The following ERICH6 variants were observed in gnomAD, a reference collection of about 807,000 sequenced individuals.
The protein encoded by ERICH6 is glutamate-rich protein 6.
ERICH6 carries 71 observed loss-of-function variants against 71.0 expected under a neutral mutation model. That is an observed-to-expected ratio of 1.00 (90% confidence interval 0.83 to 1.22). The LOEUF is 1.22. Among genes scored for constraint, ERICH6 ranks in the 50% most tolerant of loss-of-function variants. The pLI is 0.00. For synonymous variants in ERICH6, 262 were observed against 278.4 expected (o/e 0.94, Z 0.59); for missense variants, 808 against 797.2 (o/e 1.01, Z -0.16).
intron 7 of ERICH6, among the ~76,000 whole-genome samples, chr3:150,681,783 T>C (rs2108060107): frequency 6.6e-6 from 1 of 151,156 alleles, no homozygotes; most frequent in African/African-American, 2.4e-5. Flanking sequence ...TGATTTGCGT[T>C]TCCCTGACAG....
At chr3:150,667,077 T>G in intron 12 of ERICH6, 62 bp from the exon 13 acceptor site, 3 of 1,469,718 alleles carry the variant, frequency 2.0e-6, no homozygotes, top group Non-Finnish European at 1.9e-6. Flanking sequence ...ACTGGAATTA[T>G]CCCTGTCACT....
At chr3:150,671,433 T>C (rs1431012347) in intron 11 of ERICH6, among the ~76,000 whole-genome samples, 1 of 152,194 alleles carries the variant, frequency 6.6e-6, no homozygotes, top group East Asian at 1.9e-4. Flanking sequence ...AGGCAGAAAG[T>C]CCAAGTGATC....
chr3:150,687,352 T>G (rs1259403706), intron 3 of ERICH6, among the ~76,000 whole-genome samples: 2 of 152,200 alleles, frequency 1.3e-5, no homozygotes, highest in South Asian at 4.1e-4. Context: ...CCCACTAACA[T>G]TTTCAGACTG....
intron 13 of ERICH6, among the ~76,000 whole-genome samples, chr3:150,665,992 C>T (rs899341727): frequency 1.3e-5 from 2 of 152,032 alleles, no homozygotes; most frequent in African/African-American, 4.8e-5. Flanking sequence ...CAAGTACCAC[C>T]CTTAGTACTT....
chr3:150,685,592 A>G (rs924604692), intron 6 of ERICH6, 150 bp downstream of exon 6: 5 of 680,310 alleles, frequency 7.3e-6, no homozygotes, highest in Non-Finnish European at 1.2e-5. Flanking sequence ...CAACTAACAC[A>G]GACACTCTAA....
intron 2 of ERICH6, among the ~76,000 whole-genome samples, chr3:150,699,605 G>A (rs1402665650): frequency 6.6e-6 from 1 of 151,498 alleles, no homozygotes; most frequent in Non-Finnish European, 1.5e-5. Flanking sequence ...AAAATCAATA[G>A]CATTGAAGAG....
chr3:150,661,380 A>G (rs1468803941), intron 13 of ERICH6, among the ~76,000 whole-genome samples: 1 of 152,134 alleles, frequency 6.6e-6, no homozygotes, highest in African/African-American at 2.4e-5. Context: ...CTAGCCTTCT[A>G]CCCCTTAGCA....
At chr3:150,687,403 G>A (rs1400102672) in intron 3 of ERICH6, among the ~76,000 whole-genome samples, 1 of 152,172 alleles carries the variant, frequency 6.6e-6, no homozygotes, top group Non-Finnish European at 1.5e-5. Flanking sequence ...GTAGATAAGA[G>A]GGGACTATTA....
chr3:150,669,604 A>T (rs1429577078), intron 11 of ERICH6, among the ~76,000 whole-genome samples, 153 bp from the exon 12 acceptor site: 1 of 152,214 alleles, frequency 6.6e-6, no homozygotes, highest in East Asian at 1.9e-4. Context: ...TTTTATGTGG[A>T]TCAGAATATA....
chr3:150,688,347 C>T (rs981600966), intron 3 of ERICH6, among the ~76,000 whole-genome samples: 1 of 152,102 alleles, frequency 6.6e-6, no homozygotes, highest in African/African-American at 2.4e-5. Context: ...CAAAACAAGA[C>T]AAGAACAACC....
chr3:150,680,372 C>A, intron 9 of ERICH6, 96 bp downstream of exon 9: 1 of 1,316,504 alleles, frequency 7.6e-7, no homozygotes, highest in Non-Finnish European at 1.1e-6. Context: ...CTGGCCAATA[C>A]TATTTTTTAA....
At chr3:150,665,535 C>T (rs1000793255) in intron 13 of ERICH6, among the ~76,000 whole-genome samples, 3 of 44,542 alleles carry the variant, frequency 6.7e-5, no homozygotes, top group East Asian at 1.7e-3. Flanking sequence ...AAAAAAAAAT[C>T]GACGAAACAG....
At chr3:150,675,255 T>G (rs867958196) in intron 10 of ERICH6, among the ~76,000 whole-genome samples, 1 of 152,268 alleles carries the variant, frequency 6.6e-6, no homozygotes, top group Non-Finnish European at 1.5e-5. Flanking sequence ...CAATGTATTT[T>G]GTAATGCTAT....
rs567530468 is a variant in ERICH6 at position 150,685,465 on chromosome 3, A to C, written c.783+277T>G. Among the ~76,000 whole-genome samples the C allele has an allele frequency of 9.9e-5, 15 of 152,262 alleles. No individual in the cohort carries two copies. The South Asian group carries it at 3.1e-3, about 32-fold the overall frequency. ...AAGAGGGAAGGGAGGATTTTCCCCT[A>C]TATGTTGGCCCTGCCAAAACACTGA... On this transcript the variant is annotated intron_variant, in intron 6 of 13. Coordinates refer to ENST00000295910, the MANE Select transcript of ERICH6 (RefSeq NM_152394.5).
In ERICH6 at chr3:150,666,761, TA is replaced by T. The variant is rs11332654; in HGVS notation, c.1728+25del. On this transcript the variant is annotated intron_variant, in intron 13 of 13. Coordinates refer to ENST00000295910, the MANE Select transcript of ERICH6 (RefSeq NM_152394.5). ...ACTCTTATTATTATTCTAAATGCTT[TA>T]AACTGTTTTTAAAAATGTACCTACC... 7,750 of 1,594,806 alleles carry T rather than the reference TA, an allele frequency of 4.9e-3. 292 individuals carry two copies. In the African/African-American group the frequency reaches 0.082, roughly 17 times the overall value.
At chr3:150,663,678 A>G (rs1727303027) in intron 13 of ERICH6, among the ~76,000 whole-genome samples, 2 of 152,024 alleles carry the variant, frequency 1.3e-5, no homozygotes, top group African/African-American at 2.4e-5. Flanking sequence ...GGGTCTCACT[A>G]TGTTGCCCAA....
intron 3 of ERICH6, among the ~76,000 whole-genome samples, chr3:150,696,903 C>T (rs1382253812): frequency 6.6e-6 from 1 of 152,126 alleles, no homozygotes; most frequent in African/African-American, 2.4e-5. Flanking sequence ...AACAATACCA[C>T]TTTCTTGGCA....
intron 3 of ERICH6, among the ~76,000 whole-genome samples, chr3:150,696,616 G>T (rs530709797): frequency 2.3e-4 from 35 of 152,038 alleles, no homozygotes; most frequent in Non-Finnish European, 4.0e-4. Context: ...ATGGGAAAAA[G>T]ATATGAACAC....
intron 2 of ERICH6, among the ~76,000 whole-genome samples, chr3:150,701,411 T>G (rs1712864337): frequency 6.6e-6 from 1 of 151,540 alleles, no homozygotes; most frequent in Non-Finnish European, 1.5e-5. Flanking sequence ...TGAGTGGGAG[T>G]GGGGGTGAAG....
Sources: allele counts gnomAD v4.1 joint callset (sites outside exome capture counted in the v4.1 genomes callset), GRCh38; gene constraint gnomAD v4.1.1; transcripts MANE v1.5; gene names NCBI Gene and HGNC (gene_info 2026-07-23, HGNC 2026-07-21).